Variants in RBFOX1 observed in about 807,000 individuals in gnomAD.
The protein encoded by RBFOX1 is RNA binding protein fox-1 homolog 1.
In RBFOX1, 8 loss-of-function variants were observed where a neutral mutation model predicts 57.7. The observed-to-expected ratio is 0.14, with a 90% CI of 0.08 to 0.25. The LOEUF is 0.25. Ranked by LOEUF, RBFOX1 falls within the 10% of genes least tolerant of loss-of-function variation. The pLI, the probability that RBFOX1 is intolerant of heterozygous loss-of-function variation, is 1.00. For synonymous variants in RBFOX1, 326 were observed against 222.4 expected (o/e 1.47, Z -4.15); for missense variants, 611 against 548.5 (o/e 1.11, Z -1.14).
intron 3 of RBFOX1, among the ~76,000 whole-genome samples, chr16:6,977,027 C>T (rs1367964255): frequency 1.5e-5 from 2 of 137,100 alleles, no homozygotes; most frequent in Non-Finnish European, 1.6e-5. Flanking sequence ...TATCATGTAT[C>T]ATATATATCA....
intron 1 of RBFOX1, among the ~76,000 whole-genome samples, chr16:5,394,540 C>G (rs933289194): frequency 6.6e-6 from 1 of 150,492 alleles, no homozygotes; most frequent in Non-Finnish European, 1.5e-5. Flanking sequence ...GTCTTGTCTT[C>G]TCTTCTCTCT....
chr16:5,883,916 T>C (rs1175470602), intron 4 of RBFOX1, among the ~76,000 whole-genome samples: 1 of 152,166 alleles, frequency 6.6e-6, no homozygotes, highest in Non-Finnish European at 1.5e-5. Context: ...CAACACATTA[T>C]CTTGTTGATT....
At chr16:7,136,262 T>C (rs533991607) in intron 4 of RBFOX1, among the ~76,000 whole-genome samples, 1 of 152,264 alleles carries the variant, frequency 6.6e-6, no homozygotes, top group African/African-American at 2.4e-5. Context: ...AAATGTAAAT[T>C]AATTAAAGTT....
intron 2 of RBFOX1, among the ~76,000 whole-genome samples, chr16:5,533,253 G>C (rs1301962045): frequency 2.0e-5 from 3 of 152,214 alleles, no homozygotes; most frequent in African/African-American, 7.2e-5. Flanking sequence ...TCACACAAGT[G>C]AAATTGCAGA....
At chr16:5,523,240 C>A (rs545948416) in intron 2 of RBFOX1, among the ~76,000 whole-genome samples, 1 of 151,608 alleles carries the variant, frequency 6.6e-6, no homozygotes, top group South Asian at 2.1e-4. Context: ...GAGCCGAGAT[C>A]GCGCCATGGC....
At chr16:7,460,389 A>ATATATATATATGTGTGTG in intron 4 of RBFOX1, among the ~76,000 whole-genome samples, 2 of 87,262 alleles carry the variant, frequency 2.3e-5, no homozygotes, top group African/African-American at 1.3e-4. Flanking sequence ...ATATATATAT[A>ATATATATATATGTGTGTG]TGTGTGTGTG....
At chr16:6,038,776 A>G (rs2095403068) in intron 1 of RBFOX1, 1 of 148,422 alleles carries the variant, frequency 6.7e-6, no homozygotes, top group African/African-American at 2.5e-5. Context: ...CAGAAAAGCT[A>G]AGTGGAATTA....
At chr16:5,796,372 A>T (rs1191569138) in intron 3 of RBFOX1, among the ~76,000 whole-genome samples, 1 of 152,342 alleles carries the variant, frequency 6.6e-6, no homozygotes, top group East Asian at 1.9e-4. Flanking sequence ...TCAATCCAGG[A>T]TCTGGACCAA....
intron 10 of RBFOX1, among the ~76,000 whole-genome samples, chr16:7,621,300 A>T (rs555096295): frequency 6.6e-6 from 1 of 152,066 alleles, no homozygotes; most frequent in South Asian, 2.1e-4. Flanking sequence ...AGTCTCCATC[A>T]CCCAGGCTGG....
At chr16:6,870,769 T>G (rs1453804756) in intron 3 of RBFOX1, among the ~76,000 whole-genome samples, 1 of 152,178 alleles carries the variant, frequency 6.6e-6, no homozygotes, top group Non-Finnish European at 1.5e-5. Context: ...CTCAACAAAC[T>G]AAACAACTGT....
intron 3 of RBFOX1, among the ~76,000 whole-genome samples, chr16:7,003,820 C>T (rs1192880323): frequency 1.3e-5 from 2 of 151,996 alleles, no homozygotes; most frequent in East Asian, 1.9e-4. Context: ...ATTCCTTGTC[C>T]AGGTTCTACT....
intron 3 of RBFOX1, among the ~76,000 whole-genome samples, chr16:6,885,649 A>G (rs1179265434): frequency 1.3e-5 from 2 of 151,772 alleles, no homozygotes; most frequent in South Asian, 2.1e-4. Flanking sequence ...ATCCTGCCTT[A>G]GCCTCCCTAG....
At position 6,795,550 on chromosome 16, in the gene RBFOX1, G is replaced by T. The variant is rs188029909; in HGVS notation, c.-16+140900G>T. On this transcript the variant is annotated intron_variant, in intron 3 of 15. Coordinates refer to ENST00000550418, the MANE Select transcript of RBFOX1 (RefSeq NM_018723.4). Reference sequence around the variant, plus strand: ...TGGGAGGCCGAGGTGGGTGAATCACGAGGTCACAAGTTCAAGACCAGCCTG... The same window carrying T: ...TGGGAGGCCGAGGTGGGTGAATCACTAGGTCACAAGTTCAAGACCAGCCTG... 4.6e-5 allele frequency among the ~76,000 whole-genome samples: 7 copies of T among 151,908 alleles called. 1 individual carries two copies. The highest frequency in any genetic ancestry group is 3.9e-4 in the Admixed American group (6 of 15,236).
At position 7,491,060 on chromosome 16, in the gene RBFOX1, A is replaced by C. The variant is rs140512494; in HGVS notation, c.28-27087A>C. ...ACTCCAGATTCTAAAGAGACAACCA[A>C]ATGGCTCACACTTCTTACCGTACCT... is the stretch of plus-strand genomic sequence containing the variant. On this transcript the variant is annotated intron_variant, in intron 4 of 15. Coordinates refer to ENST00000550418, the MANE Select transcript of RBFOX1 (RefSeq NM_018723.4). Among the ~76,000 whole-genome samples, 11 of 152,222 alleles carry C rather than the reference A, an allele frequency of 7.2e-5. No individual in the cohort carries two copies. The East Asian group carries it at 2.1e-3, about 30-fold the overall frequency.
chr16:7,454,208 G>C (rs552086231), intron 4 of RBFOX1, among the ~76,000 whole-genome samples: 1 of 152,314 alleles, frequency 6.6e-6, no homozygotes, highest in African/African-American at 2.4e-5. Context: ...ACTCCAGCCT[G>C]GGCAGGAGGG....
At chr16:6,315,539 GGA>G (rs2080990270) in intron 1 of RBFOX1, among the ~76,000 whole-genome samples, 1 of 93,648 alleles carries the variant, frequency 1.1e-5, no homozygotes, top group African/African-American at 4.1e-5. Flanking sequence ...GTACATGGAT[GGA>G]TGGATGGATG....
At position 5,798,599 on chromosome 16, in the gene RBFOX1, G is replaced by A. The variant is rs546104561; in HGVS notation, c.319-68704G>A. 1.5e-4 allele frequency among the ~76,000 whole-genome samples: 23 copies of A among 152,312 alleles called. No homozygotes were observed. The South Asian group carries it at 3.5e-3, about 23-fold the overall frequency. ...ATTGTTAGGGCAACAGGAACTGGAC[G>A]TTGGGTCTTGTGGTCTGGATCACTC... On this transcript the variant is annotated intron_variant, in intron 3 of 19. Coordinates refer to the RBFOX1 transcript ENST00000641259.
At chr16:5,783,484 A>G (rs1403688777) in intron 3 of RBFOX1, among the ~76,000 whole-genome samples, 2 of 152,206 alleles carry the variant, frequency 1.3e-5, no homozygotes, top group African/African-American at 2.4e-5. Context: ...TATCAATAAT[A>G]TAGGAAAAGT....
chr16:5,244,954 C>G (rs1285886314), intron 1 of RBFOX1, among the ~76,000 whole-genome samples: 1 of 152,230 alleles, frequency 6.6e-6, no homozygotes, highest in Non-Finnish European at 1.5e-5. Context: ...CTTTCAGGAA[C>G]ATTTAACCGC....
Sources: allele counts gnomAD v4.1 joint callset (sites outside exome capture counted in the v4.1 genomes callset), GRCh38; gene constraint gnomAD v4.1.1; transcripts MANE v1.5; gene names NCBI Gene and HGNC (gene_info 2026-07-23, HGNC 2026-07-21).